POTEI: variants seen among roughly 807,000 people sequenced by gnomAD.
POTEI encodes the protein POTE ankyrin domain family, member I.
In POTEI, 14 loss-of-function variants were observed where a neutral mutation model predicts 43.4. The observed-to-expected ratio is 0.32, with a 90% CI of 0.21 to 0.50. POTEI has a LOEUF of 0.50. Ranked by LOEUF, POTEI falls within the 20% of genes least tolerant of loss-of-function variation. The pLI, the probability that POTEI is intolerant of heterozygous loss-of-function variation, is 0.98. For synonymous variants in POTEI, 95 were observed against 297.9 expected (o/e 0.32, Z 7.01); for missense variants, 235 against 795.4 (o/e 0.30, Z 8.47).
At chr2:130,477,535 T>C (rs1342002018) in intron 10 of POTEI, among the ~76,000 whole-genome samples, 1 of 150,306 alleles carries the variant, frequency 6.7e-6, no homozygotes, top group Non-Finnish European at 1.5e-5. Context: ...GAGGCTGCCT[T>C]AGTACTTTAC....
Position 130,461,521 on chromosome 2 carries a change from G to A in POTEI, c.*1295C>T, listed in dbSNP as rs1682635535. The A allele has an allele frequency of 1.3e-5, 2 of 152,240 alleles. No individual in the cohort carries two copies. The highest frequency in any genetic ancestry group is 4.1e-4 in the South Asian group (2 of 4,836). The allele number at this position is 152,240 out of a possible 1,614,324, so 9.4% of individuals were successfully genotyped here. On this transcript the variant is annotated 3_prime_UTR_variant, in exon 15 of 15. Transcript: ENST00000451531. ...GAGGTACCTCTTCCACCCCTTGTCA[G>A]CTTGGGCTCTCCAAAGCCCGCAGGC...
intron 1 of POTEI, among the ~76,000 whole-genome samples, chr2:130,506,988 G>C (rs1033347246): frequency 6.9e-6 from 1 of 144,242 alleles, no homozygotes. Context: ...ATATACACCA[G>C]GCACGGTGGC....
At position 130,508,777 on chromosome 2, in the gene POTEI, G is replaced by C; in HGVS notation, c.459C>G (p.Ala153=). Residue 153 remains alanine, a synonymous_variant, in exon 1 of 15, where the codon GCC becomes GCG. Coordinates refer to ENST00000451531, the MANE Select transcript of POTEI (RefSeq NM_001277406.2). ...TGAGCATGACGATCAGATCCTTTCT[G>C]GCGACTTTACCCCACCAGGCAGCTC... ...LHRAAWWGKV[A]RKDLIVMLRD... The C allele has an allele frequency of 7.0e-7, 1 of 1,436,708 alleles. No homozygotes were observed. Among genetic ancestry groups the C allele is most frequent in the Non-Finnish European group, 9.3e-7 (1 of 1,075,764 alleles). The allele number at this position is 1,436,708 out of a possible 1,614,324, so 89.0% of individuals were successfully genotyped here.
At chr2:130,485,216 T>G (rs1683556066) in intron 9 of POTEI, among the ~76,000 whole-genome samples, 1 of 151,436 alleles carries the variant, frequency 6.6e-6, no homozygotes, top group African/African-American at 2.4e-5. Flanking sequence ...ATAGAAAAAG[T>G]CACGAGGGGC....
In POTEI at chr2:130,493,755, A is replaced by C. The variant is rs1368213801; in HGVS notation, c.1126+2797T>G. Among the ~76,000 whole-genome samples the C allele has an allele frequency of 4.1e-4, 16 of 39,376 alleles. 5 individuals carry two copies. Among genetic ancestry groups the C allele is most frequent in the African/African-American group, 1.1e-3 (16 of 14,616 alleles). The allele number at this position is 39,376 out of a possible 152,430, so 25.8% of individuals were successfully genotyped here. The stretch of plus-strand genomic sequence containing the variant: ...CACTGGGAACACAAACATTTACAAA[A>C]TGGCTTTTATTTAAAAAAAAAGCCT... On this transcript the variant is annotated intron_variant, in intron 6 of 14. Coordinates refer to ENST00000451531, the MANE Select transcript of POTEI (RefSeq NM_001277406.2).
intron 1 of POTEI, among the ~76,000 whole-genome samples, chr2:130,504,928 C>G (rs1166303909): frequency 9.1e-6 from 1 of 109,662 alleles, no homozygotes; most frequent in Admixed American, 9.9e-5. Context: ...CTTTTACATT[C>G]AGGGATACAT....
At chr2:130,479,312 A>G (rs3863878) in intron 10 of POTEI, among the ~76,000 whole-genome samples, 121,472 of 148,096 alleles carry the variant, frequency 0.82, 49,491 homozygotes, top group East Asian at 0.99. Context: ...AGGCATAACG[A>G]AGGCCAACAT....
rs1381468268 is a variant in POTEI at position 130,483,609 on chromosome 2, T to TTTTTC, written c.1410-1537_1410-1536insGAAAA. ...AACCATGTCAAACTTGTTTTTTTTT[T>TTTTTC]TTTGAGACGGAGTCTTGCTCTGTCA... On this transcript the variant is annotated intron_variant, in intron 9 of 14. Coordinates refer to ENST00000451531, the MANE Select transcript of POTEI (RefSeq NM_001277406.2). Among the ~76,000 whole-genome samples the TTTTTC allele has an allele frequency of 4.3e-5, 4 of 92,738 alleles. No individual in the cohort carries two copies. The East Asian group carries it at 1.4e-3, about 32-fold the overall frequency. 60.8% of individuals were successfully genotyped at this position (92,738 alleles called of 152,430 possible). A position where few individuals can be genotyped will look rare whatever the true frequency, so the allele number is the denominator to read the frequency against.
At chr2:130,474,074 C>T (rs1307082305) in intron 13 of POTEI, among the ~76,000 whole-genome samples, 1 of 147,460 alleles carries the variant, frequency 6.8e-6, no homozygotes, top group Non-Finnish European at 1.5e-5. Context: ...CCCCAAGCCT[C>T]CATGATACAG....
At chr2:130,496,757 A>G (rs2918635) in intron 5 of POTEI, 135 bp from the exon 6 acceptor site, 2 of 557,646 alleles carry the variant, frequency 3.6e-6, no homozygotes, top group African/African-American at 1.9e-5. Context: ...CCATCCACTT[A>G]TGAGTACATT....
intron 13 of POTEI, among the ~76,000 whole-genome samples, chr2:130,467,761 A>C (rs556366536): frequency 2.1e-3 from 312 of 151,724 alleles, no homozygotes; most frequent in African/African-American, 6.6e-3. Flanking sequence ...CAAACAAATC[A>C]ACAGGAAAAA....
intron 10 of POTEI, among the ~76,000 whole-genome samples, chr2:130,477,159 C>G (rs1157226606): frequency 6.9e-6 from 1 of 145,218 alleles, no homozygotes; most frequent in Non-Finnish European, 1.5e-5. Context: ...TTTCTTTTTT[C>G]TTTTTTTTTT....
intron 1 of POTEI, among the ~76,000 whole-genome samples, chr2:130,507,319 C>T (rs1420765566): frequency 0.042 from 200 of 4,726 alleles, 1 homozygote; most frequent in East Asian, 0.23. Flanking sequence ...TATATATATA[C>T]ACACACACAC....
intron 9 of POTEI, among the ~76,000 whole-genome samples, chr2:130,485,174 A>T (rs1316051943): frequency 6.6e-6 from 1 of 151,488 alleles, no homozygotes; most frequent in African/African-American, 2.4e-5. Context: ...TGAGCTGGAG[A>T]CATACATTTG....
chr2:130,474,024 G>A (rs1348905845), intron 13 of POTEI, among the ~76,000 whole-genome samples: 3 of 143,802 alleles, frequency 2.1e-5, no homozygotes, highest in Non-Finnish European at 3.0e-5. Context: ...ACTACCTTTC[G>A]AGTATTTTGT....
intron 9 of POTEI, among the ~76,000 whole-genome samples, chr2:130,483,909 A>G (rs1198558834): frequency 6.6e-6 from 1 of 150,792 alleles, no homozygotes; most frequent in African/African-American, 2.5e-5. Context: ...AGTGAGAATC[A>G]ATCAAACAAT....
chr2:130,482,794 G>A (rs1231579219), intron 9 of POTEI, among the ~76,000 whole-genome samples: 24 of 145,918 alleles, frequency 1.6e-4, no homozygotes, highest in Non-Finnish European at 2.4e-4. Flanking sequence ...GATCAATCAC[G>A]CCAAGGGCAG....
Position 130,461,156 on chromosome 2 carries a change from G to C in POTEI, c.*1660C>G, listed in dbSNP as rs543049620. On this transcript the variant is annotated 3_prime_UTR_variant, in exon 15 of 15. Coordinates refer to ENST00000451531, the MANE Select transcript of POTEI (RefSeq NM_001277406.2). ...TTGAGAAGTCTTACCTAGTCAGGAC[G>C]AACAAGAACAGGGACTTGCTTCAAA... 2 of 151,656 alleles carry C rather than the reference G, an allele frequency of 1.3e-5. No individual in the cohort carries two copies. Among genetic ancestry groups the C allele is most frequent in the Admixed American group, 1.3e-4 (2 of 15,284 alleles). 9.4% of individuals were successfully genotyped at this position (151,656 alleles called of 1,614,324 possible). A position where few individuals can be genotyped will look rare whatever the true frequency, so the allele number is the denominator to read the frequency against.
At position 130,477,742 on chromosome 2, in the gene POTEI, C is replaced by T. The variant is rs528763578; in HGVS notation, c.1481-1041G>A. On this transcript the variant is annotated intron_variant, in intron 10 of 14. Coordinates refer to ENST00000451531, the MANE Select transcript of POTEI (RefSeq NM_001277406.2). Reference sequence around the variant, plus strand: ...GGGTTTAAAAAGAATTAAAATAAAGCCTGTCAGAGATGGCTTTTCTAGAAC... The same window carrying T: ...GGGTTTAAAAAGAATTAAAATAAAGTCTGTCAGAGATGGCTTTTCTAGAAC... Among the ~76,000 whole-genome samples, 31 of 139,714 alleles carry T rather than the reference C, an allele frequency of 2.2e-4. 3 individuals carry two copies. Among genetic ancestry groups the T allele is most frequent in the African/African-American group, 8.6e-4 (30 of 34,746 alleles). The allele number at this position is 139,714 out of a possible 152,430, so 91.7% of individuals were successfully genotyped here. A position where few individuals can be genotyped will look rare whatever the true frequency, so the allele number is the denominator to read the frequency against.
Sources: gnomAD v4.1 joint callset for allele counts (sites outside exome capture counted in the v4.1 genomes callset) on GRCh38, gnomAD v4.1.1 for gene constraint, MANE v1.5 for transcripts, NCBI Gene and HGNC (gene_info 2026-07-23, HGNC 2026-07-21) for gene names.